Variants in GRIN2B observed in about 807,000 individuals in gnomAD.
GRIN2B encodes glutamate receptor ionotropic, NMDA 2B.
GRIN2B carries 5 observed loss-of-function variants against 114.5 expected under a neutral mutation model. The ratio of observed to expected loss-of-function variants is 0.04; its 90% confidence interval spans 0.02 to 0.09. GRIN2B has a LOEUF of 0.09. Among genes scored for constraint, GRIN2B ranks in the 10% least tolerant of loss-of-function variants. The probability of loss-of-function intolerance (pLI) is 1.00; values close to 1 mark genes in which losing one functional copy is unlikely to be tolerated. For missense variants in GRIN2B, 1,108 were observed against 1,943.5 expected (o/e 0.57, Z 8.08); for synonymous variants, 787 against 745.1 (o/e 1.06, Z -0.92).
At chr12:13,936,239 TG>T (rs1328386799) in intron 2 of GRIN2B, among the ~76,000 whole-genome samples, 2 of 152,102 alleles carry the variant, frequency 1.3e-5, no homozygotes, top group African/African-American at 4.8e-5. Flanking sequence ...TGAGCACTGG[TG>T]GGGAAAGAGA....
At chr12:13,605,040 T>TA (rs1398948111) in intron 10 of GRIN2B, among the ~76,000 whole-genome samples, 6 of 151,822 alleles carry the variant, frequency 4.0e-5, no homozygotes, top group African/African-American at 1.4e-4. Flanking sequence ...CTTAAGTAAA[T>TA]ACAACCTCTC....
rs1948305957 is a variant in GRIN2B, at chr12:13,543,372, A to G, written c.*19411T>C. ...TGAATCTCAATCCTCTGCCTCTAAT[A>G]TGCTTCATTGTTCCTCCTTCCCTAA... On this transcript the variant is annotated 3_prime_UTR_variant, in exon 14 of 14. Transcript: ENST00000609686. 2 of 152,236 alleles carry G rather than the reference A, an allele frequency of 1.3e-5. No individual in the cohort carries two copies. Among genetic ancestry groups the G allele is most frequent in the South Asian group, 4.2e-4 (2 of 4,818 alleles). 9.4% of individuals were successfully genotyped at this position (152,236 alleles called of 1,614,324 possible). A position where few individuals can be genotyped will look rare whatever the true frequency, so the allele number is the denominator to read the frequency against.
intron 2 of GRIN2B, among the ~76,000 whole-genome samples, chr12:13,869,213 G>A (rs563319604): frequency 6.6e-6 from 1 of 150,724 alleles, no homozygotes; most frequent in South Asian, 2.1e-4. Flanking sequence ...TTATAACCTA[G>A]AGAACTTTTT....
chr12:13,815,489 G>T (rs1192719221), intron 3 of GRIN2B, among the ~76,000 whole-genome samples: 5 of 152,156 alleles, frequency 3.3e-5, no homozygotes, highest in African/African-American at 1.2e-4. Flanking sequence ...GATAAAGAGT[G>T]GGTTGTTTAT....
chr12:13,708,966 C>T (rs1950389762), intron 4 of GRIN2B, among the ~76,000 whole-genome samples: 3 of 151,962 alleles, frequency 2.0e-5, no homozygotes, highest in Admixed American at 6.6e-5. Flanking sequence ...AATGAGAAAC[C>T]CAGGTTTACA....
chr12:13,789,407 G>A lies in GRIN2B; in HGVS notation c.412-35492C>T, dbSNP rs545533874. ...CTTAAAGGACTTGGATGAGGGAAAA[G>A]GATGTTTCTAGTTTAGGATGCCCCA... is the stretch of plus-strand genomic sequence containing the variant. On this transcript the variant is annotated intron_variant, in intron 3 of 13. Transcript: ENST00000609686. Among the ~76,000 whole-genome samples, 8 of 152,306 alleles carry A rather than the reference G, an allele frequency of 5.3e-5. No individual in the cohort carries two copies. In the South Asian group the frequency reaches 1.7e-3, roughly 32 times the overall value.
intron 4 of GRIN2B, among the ~76,000 whole-genome samples, chr12:13,689,656 T>G (rs1430787500): frequency 6.6e-6 from 1 of 152,096 alleles, no homozygotes; most frequent in Non-Finnish European, 1.5e-5. Flanking sequence ...GATTTCTTAG[T>G]GCCACATCAC....
At chr12:13,684,267 A>T (rs1362590455) in intron 4 of GRIN2B, among the ~76,000 whole-genome samples, 1 of 152,018 alleles carries the variant, frequency 6.6e-6, no homozygotes, top group Non-Finnish European at 1.5e-5. Context: ...CCCCCTTCTG[A>T]CCTCCCAGAT....
chr12:13,609,679 A>T (rs1949337272), intron 9 of GRIN2B, among the ~76,000 whole-genome samples: 1 of 151,900 alleles, frequency 6.6e-6, no homozygotes, highest in African/African-American at 2.4e-5. Flanking sequence ...AGCCTGAGGC[A>T]GGAGAATGGT....
intron 2 of GRIN2B, among the ~76,000 whole-genome samples, chr12:13,939,643 C>T (rs1867201334): frequency 6.8e-6 from 1 of 147,418 alleles, no homozygotes; most frequent in Non-Finnish European, 1.5e-5. Context: ...CAACCTCTTC[C>T]TCCTAGGCTC....
chr12:13,836,970 G>A (rs1865280532), intron 3 of GRIN2B, among the ~76,000 whole-genome samples: 1 of 152,162 alleles, frequency 6.6e-6, no homozygotes, highest in African/African-American at 2.4e-5. Context: ...AAGCAGATGG[G>A]TGCACTGCTA....
chr12:13,659,626 T>C (rs1311779055), intron 5 of GRIN2B, among the ~76,000 whole-genome samples: 1 of 152,038 alleles, frequency 6.6e-6, no homozygotes, highest in Non-Finnish European at 1.5e-5. Flanking sequence ...ACCTAGACAA[T>C]TTTTTTAAAA....
At chr12:13,731,969 T>C (rs1409147635) in intron 4 of GRIN2B, among the ~76,000 whole-genome samples, 1 of 152,198 alleles carries the variant, frequency 6.6e-6, no homozygotes, top group Admixed American at 6.5e-5. Flanking sequence ...CCATGACCTA[T>C]TGGTTAATAG....
rs554915098 is a variant in GRIN2B, at chr12:13,963,396, C to T, written c.-19+16532G>A. Among the ~76,000 whole-genome samples the T allele has an allele frequency of 2.6e-5, 4 of 152,220 alleles. No individual in the cohort carries two copies. In the South Asian group the frequency reaches 6.2e-4, roughly 24 times the overall value. On this transcript the variant is annotated intron_variant, in intron 2 of 13. Transcript: ENST00000609686. ...CGGCATGACAGCTGTAGTGGAGGGT[C>T]GTTGAGGCACAGGCTGGGGTAGGCA...
chr12:13,741,749 G>A (rs553651685), intron 4 of GRIN2B, among the ~76,000 whole-genome samples: 2 of 151,916 alleles, frequency 1.3e-5, no homozygotes, highest in South Asian at 2.1e-4. Context: ...TTATAAAGAC[G>A]GGGTTTTTGC....
chr12:13,886,969 A>T (rs992995497), intron 2 of GRIN2B, among the ~76,000 whole-genome samples: 15 of 152,198 alleles, frequency 9.9e-5, no homozygotes, highest in African/African-American at 3.4e-4. Flanking sequence ...CATTTAACAG[A>T]CGAATAAACT....
chr12:13,602,226 T>A (rs561946417), intron 10 of GRIN2B, among the ~76,000 whole-genome samples: 2 of 152,172 alleles, frequency 1.3e-5, no homozygotes, highest in South Asian at 2.1e-4. Context: ...GATCAGTAGC[T>A]CCAAGAAGAA....
At chr12:13,673,763 T>C (rs1950044906) in intron 5 of GRIN2B, among the ~76,000 whole-genome samples, 1 of 151,896 alleles carries the variant, frequency 6.6e-6, no homozygotes, top group South Asian at 2.1e-4. Flanking sequence ...GGTGTCTCTT[T>C]AAGAAAAGGC....
chr12:13,811,813 G>A (rs1248871808), intron 3 of GRIN2B, among the ~76,000 whole-genome samples: 2 of 152,154 alleles, frequency 1.3e-5, no homozygotes, highest in Non-Finnish European at 1.5e-5. Flanking sequence ...TTCTAGTTTG[G>A]AATTAGGCAC....
Sources: allele counts gnomAD v4.1 joint callset (sites outside exome capture counted in the v4.1 genomes callset), GRCh38; gene constraint gnomAD v4.1.1; transcripts MANE v1.5; gene names NCBI Gene and HGNC (gene_info 2026-07-23, HGNC 2026-07-21).